Variants in CDH4 observed in about 807,000 individuals in gnomAD.
CDH4 encodes cadherin 4, also known as cadherin-4.
CDH4 carries 33 observed loss-of-function variants against 86.0 expected under a neutral mutation model. That is an observed-to-expected ratio of 0.38 (90% CI 0.29 to 0.51). The LOEUF is 0.51. CDH4 is among the 20% of genes least tolerant of loss of function. CDH4 has a pLI of 0.86. For missense variants in CDH4, 1,114 were observed against 1,307.4 expected (o/e 0.85, Z 2.28); for synonymous variants, 555 against 549.4 (o/e 1.01, Z -0.14).
intron 2 of CDH4, among the ~76,000 whole-genome samples, chr20:61,322,051 C>T (rs2084511665): frequency 6.6e-6 from 1 of 152,106 alleles, no homozygotes; most frequent in Non-Finnish European, 1.5e-5. Context: ...CTTGAGGTTA[C>T]GTGGTTGGTC....
At chr20:61,607,038 T>G (rs2086651260) in intron 2 of CDH4, among the ~76,000 whole-genome samples, 1 of 152,246 alleles carries the variant, frequency 6.6e-6, no homozygotes, top group African/African-American at 2.4e-5. Flanking sequence ...GTGACAGTGA[T>G]GTGTCCATAT....
chr20:61,934,270 A>T, intron 15 of CDH4, 50 bp downstream of exon 15: 1 of 1,489,758 alleles, frequency 6.7e-7, no homozygotes, highest in Non-Finnish European at 9.0e-7. Context: ...CTCCTCTAAA[A>T]ATTAAATTCT....
At chr20:61,565,265 G>A (rs370956078) in intron 2 of CDH4, among the ~76,000 whole-genome samples, 1,480 of 21,490 alleles carry the variant, frequency 0.069, 193 homozygotes, top group African/African-American at 0.16. Flanking sequence ...TGATGGTGGT[G>A]GTGGTCCTCT....
intron 2 of CDH4, among the ~76,000 whole-genome samples, chr20:61,368,345 C>T (rs913718146): frequency 1.3e-5 from 2 of 152,084 alleles, no homozygotes; most frequent in South Asian, 2.1e-4. Context: ...GGAATGGGAT[C>T]GGTGCACTTA....
At chr20:61,451,129 C>CCCCCT (rs1555851644) in intron 2 of CDH4, among the ~76,000 whole-genome samples, 61 of 149,752 alleles carry the variant, frequency 4.1e-4, no homozygotes, top group African/African-American at 1.0e-3. Flanking sequence ...CACGCCCCCC[C>CCCCCT]CCTTCCCTCC....
Position 61,937,004 on chromosome 20 carries a change from G to C in CDH4, c.*61G>C. ...GCTCGGACGCCGGAGGAGCAGGACT[G>C]AGCAGAGGCGGCCGGTCTTCCCGAC... is the stretch of plus-strand genomic sequence containing the variant. On this transcript the variant is annotated 3_prime_UTR_variant, in exon 16 of 16. Transcript: ENST00000614565. 7.0e-7 allele frequency: 1 copy of C among 1,424,686 alleles called. No individual in the cohort carries two copies. The highest frequency in any genetic ancestry group is 9.4e-7 in the Non-Finnish European group (1 of 1,059,526). 88.3% of individuals were successfully genotyped at this position (1,424,686 alleles called of 1,614,324 possible).
chr20:61,605,190 C>T lies in CDH4; in HGVS notation c.170-138373C>T, dbSNP rs115377937. Among the ~76,000 whole-genome samples, 967 of 152,232 alleles carry T rather than the reference C, an allele frequency of 6.4e-3. 16 individuals are homozygous for T. The highest frequency in any genetic ancestry group is 0.022 in the African/African-American group (899 of 41,534). On this transcript the variant is annotated intron_variant, in intron 2 of 15. Coordinates refer to ENST00000614565, the MANE Select transcript of CDH4 (RefSeq NM_001794.5). Reference sequence around the variant, plus strand: ...CCTGCCACTGGGCACAGGTAGGCAGCGAGGTATCTGCCACTGAGGAAATGT... The same window carrying T: ...CCTGCCACTGGGCACAGGTAGGCAGTGAGGTATCTGCCACTGAGGAAATGT...
chr20:61,420,498 C>T (rs2085171404), intron 2 of CDH4, among the ~76,000 whole-genome samples: 1 of 152,232 alleles, frequency 6.6e-6, no homozygotes, highest in African/African-American at 2.4e-5. Flanking sequence ...GACTTTGTCG[C>T]CACTGAAAAC....
intron 2 of CDH4, chr20:61,436,990 C>T (rs181124266): frequency 3.1e-4 from 47 of 152,516 alleles, no homozygotes; most frequent in Non-Finnish European, 5.1e-4. Flanking sequence ...GTTTTGCCCC[C>T]TCCTGCGTCC....
chr20:61,280,737 C>T (rs997609218), intron 2 of CDH4, among the ~76,000 whole-genome samples: 9 of 152,174 alleles, frequency 5.9e-5, no homozygotes, highest in African/African-American at 1.9e-4. Context: ...TTCCAGCACC[C>T]CTGGGCTAAC....
intron 11 of CDH4, among the ~76,000 whole-genome samples, chr20:61,926,029 T>C (rs1473349132): frequency 6.6e-6 from 1 of 152,210 alleles, no homozygotes; most frequent in Non-Finnish European, 1.5e-5. Flanking sequence ...GGACTCCGAT[T>C]ATTTTATTAA....
chr20:61,271,033 T>C (rs1188965779), intron 2 of CDH4, among the ~76,000 whole-genome samples: 4 of 152,178 alleles, frequency 2.6e-5, no homozygotes, highest in Admixed American at 2.6e-4. Context: ...TCTCTAAAAA[T>C]CTCATTTCTA....
At chr20:61,677,678 C>T (rs527251987) in intron 2 of CDH4, among the ~76,000 whole-genome samples, 1 of 151,112 alleles carries the variant, frequency 6.6e-6, no homozygotes, top group Admixed American at 6.6e-5. Context: ...GGTGGGTGGA[C>T]AGACGGACGG....
rs375319229 is a variant in CDH4 at position 61,904,505 on chromosome 20, G to A, written c.1189-5917G>A. 3.6e-4 allele frequency among the ~76,000 whole-genome samples: 54 copies of A among 151,658 alleles called. No individual in the cohort carries two copies. The South Asian group carries it at 5.2e-3, about 15-fold the overall frequency. ...GCCAGAAGTCAGCTTTGTCTGCACC[G>A]TGTCCCCCTGGTCTCTCGGCATCTC... is the stretch of plus-strand genomic sequence containing the variant. On this transcript the variant is annotated intron_variant, in intron 8 of 15. Coordinates refer to ENST00000614565, the MANE Select transcript of CDH4 (RefSeq NM_001794.5).
chr20:61,279,095 A>G (rs756113971), intron 2 of CDH4, among the ~76,000 whole-genome samples: 1 of 152,220 alleles, frequency 6.6e-6, no homozygotes, highest in Non-Finnish European at 1.5e-5. Flanking sequence ...TGAGAAGCCA[A>G]GTAGGCATGA....
At chr20:61,719,948 C>T (rs1383477527) in intron 2 of CDH4, among the ~76,000 whole-genome samples, 11 of 152,302 alleles carry the variant, frequency 7.2e-5, no homozygotes, top group East Asian at 3.9e-4. Flanking sequence ...TTGCGGTGTG[C>T]TCCCTCCCAG....
At chr20:61,735,687 C>A (rs1347078391) in intron 2 of CDH4, among the ~76,000 whole-genome samples, 2 of 152,260 alleles carry the variant, frequency 1.3e-5, no homozygotes, top group Non-Finnish European at 2.9e-5. Context: ...GGGGCCTCCC[C>A]ACGGCCTCCG....
intron 2 of CDH4, among the ~76,000 whole-genome samples, chr20:61,388,765 A>G (rs1257043868): frequency 6.6e-6 from 1 of 152,252 alleles, no homozygotes; most frequent in African/African-American, 2.4e-5. Context: ...TACATGAGTT[A>G]CATTTTTATC....
At chr20:61,660,061 G>A (rs1043107758) in intron 2 of CDH4, among the ~76,000 whole-genome samples, 4 of 152,264 alleles carry the variant, frequency 2.6e-5, no homozygotes, top group Non-Finnish European at 4.4e-5. Context: ...GCAGCTCCTC[G>A]GGGATCTGCA....
Sources: gnomAD v4.1 joint callset for allele counts (sites outside exome capture counted in the v4.1 genomes callset) on GRCh38, gnomAD v4.1.1 for gene constraint, MANE v1.5 for transcripts, NCBI Gene and HGNC (gene_info 2026-07-23, HGNC 2026-07-21) for gene names.